SLC35F3: variants seen among roughly 807,000 people sequenced by gnomAD.
SLC35F3 encodes putative thiamine transporter SLC35F3.
SLC35F3 carries 25 observed loss-of-function variants against 49.9 expected under a neutral mutation model. The observed-to-expected ratio is 0.50, with a 90% CI of 0.37 to 0.70. SLC35F3 has a LOEUF of 0.70. Ranked by LOEUF, SLC35F3 falls within the 30% of genes least tolerant of loss-of-function variation. The probability of loss-of-function intolerance (pLI) is 0.00; values close to 1 mark genes in which losing one functional copy is unlikely to be tolerated. For missense variants in SLC35F3, 525 were observed against 639.8 expected, an observed-to-expected ratio of 0.82 and a Z score of 1.94; for synonymous variants, 275 against 265.4, an observed-to-expected ratio of 1.04 and a Z score of -0.35.
chr1:234,178,318 C>A (rs149955304), intron 2 of SLC35F3, among the ~76,000 whole-genome samples: 2 of 152,146 alleles, frequency 1.3e-5, no homozygotes, highest in East Asian at 3.9e-4. Flanking sequence ...TGCTTTCAGT[C>A]AATTGGAATA....
At chr1:233,958,953 T>A (rs961556494) in intron 2 of SLC35F3, among the ~76,000 whole-genome samples, 18 of 152,228 alleles carry the variant, frequency 1.2e-4, no homozygotes, top group African/African-American at 4.3e-4. Flanking sequence ...GTTTATATCA[T>A]GTTTTTCTTT....
chr1:234,219,553 G>A (rs895455494), intron 2 of SLC35F3, among the ~76,000 whole-genome samples: 9 of 152,202 alleles, frequency 5.9e-5, no homozygotes, highest in African/African-American at 1.9e-4. Context: ...TACCAATAAA[G>A]AATGCATGCT....
intron 2 of SLC35F3, among the ~76,000 whole-genome samples, chr1:233,912,966 C>T (rs1661906999): frequency 1.3e-5 from 2 of 152,188 alleles, no homozygotes; most frequent in Non-Finnish European, 2.9e-5. Flanking sequence ...ATCTTTTGAG[C>T]ATTTACTTTG....
chr1:233,991,998 A>C (rs1663362053), intron 2 of SLC35F3, among the ~76,000 whole-genome samples: 1 of 152,218 alleles, frequency 6.6e-6, no homozygotes. Flanking sequence ...CCTCCATTGC[A>C]TTGATAAGAA....
intron 2 of SLC35F3, among the ~76,000 whole-genome samples, chr1:233,993,447 TTTC>T (rs1663399436): frequency 6.6e-6 from 1 of 152,228 alleles, no homozygotes; most frequent in Non-Finnish European, 1.5e-5. Context: ...AACTCACAGC[TTTC>T]TTTATGATAG....
At chr1:234,059,604 C>T (rs1664508170) in intron 2 of SLC35F3, among the ~76,000 whole-genome samples, 4 of 148,446 alleles carry the variant, frequency 2.7e-5, no homozygotes, top group African/African-American at 9.7e-5. Context: ...GAGCTAGAGA[C>T]ATAGACATAG....
intron 2 of SLC35F3, among the ~76,000 whole-genome samples, chr1:233,991,565 T>C (rs1368691576): frequency 9.2e-5 from 14 of 152,200 alleles, no homozygotes; most frequent in Non-Finnish European, 2.1e-4. Context: ...CTCTCTCCTG[T>C]CCAAAAGCGA....
At chr1:233,992,290 G>T (rs2102827784) in intron 2 of SLC35F3, among the ~76,000 whole-genome samples, 1 of 152,316 alleles carries the variant, frequency 6.6e-6, no homozygotes, top group East Asian at 1.9e-4. Context: ...GTCCATTTCT[G>T]TGTTGGTATT....
chr1:234,318,669 G>A, intron 5 of SLC35F3, 82 bp from the exon 6 acceptor site: 1 of 1,263,370 alleles, frequency 7.9e-7, no homozygotes, highest in Non-Finnish European at 1.1e-6. Context: ...ACCCAGCGTT[G>A]TGGAGTGAAC....
chr1:234,031,604 G>T (rs192816117), intron 2 of SLC35F3, among the ~76,000 whole-genome samples: 7 of 152,264 alleles, frequency 4.6e-5, no homozygotes, highest in Non-Finnish European at 1.0e-4. Flanking sequence ...GAGTGCAGTG[G>T]CGTGATCATA....
chr1:234,138,796 C>T (rs1665846375), intron 2 of SLC35F3, among the ~76,000 whole-genome samples: 1 of 152,200 alleles, frequency 6.6e-6, no homozygotes, highest in Non-Finnish European at 1.5e-5. Context: ...AGTGATTCTT[C>T]CTCCTCAGCC....
intron 2 of SLC35F3, among the ~76,000 whole-genome samples, chr1:234,058,454 C>A (rs1317053423): frequency 1.3e-5 from 2 of 149,290 alleles, no homozygotes; most frequent in Admixed American, 6.8e-5. Flanking sequence ...AAGCAGGCCT[C>A]CCACCTTAGC....
At chr1:233,918,992 A>G (rs562828605) in intron 2 of SLC35F3, among the ~76,000 whole-genome samples, 1 of 152,308 alleles carries the variant, frequency 6.6e-6, no homozygotes, top group African/African-American at 2.4e-5. Context: ...ATCAAATGAC[A>G]GATGAATAAA....
chr1:233,957,612 C>A lies in SLC35F3; in HGVS notation c.283+51854C>A, dbSNP rs566093891. Reference sequence around the variant, plus strand: ...GGTGGATCACCTGAAGTCAGGAGTTCGAGACCAGCCTGGCCAACACGGTGA... The same window carrying A: ...GGTGGATCACCTGAAGTCAGGAGTTAGAGACCAGCCTGGCCAACACGGTGA... On this transcript the variant is annotated intron_variant, in intron 2 of 7. Transcript: ENST00000366618. The surrounding 1 kb of genome is among the most constrained non-coding windows in gnomAD (Gnocchi z 4.0). Among the ~76,000 whole-genome samples, 4 of 151,994 alleles carry A rather than the reference C, an allele frequency of 2.6e-5. No individual in the cohort carries two copies. Among genetic ancestry groups the A allele is most frequent in the Non-Finnish European group, 4.4e-5 (3 of 68,016 alleles).
intron 2 of SLC35F3, among the ~76,000 whole-genome samples, chr1:233,917,908 G>A (rs1005203340): frequency 6.6e-6 from 1 of 152,200 alleles, no homozygotes; most frequent in Non-Finnish European, 1.5e-5. Context: ...ACATAATGTC[G>A]ACAACAGTAA....
chr1:233,972,506 C>T (rs553227668), intron 2 of SLC35F3, among the ~76,000 whole-genome samples: 41 of 152,288 alleles, frequency 2.7e-4, no homozygotes, highest in African/African-American at 9.1e-4. Context: ...CCTCTCTGTG[C>T]CTCAGTTTCC....
Position 234,258,914 on chromosome 1 carries a change from T to C in SLC35F3, c.608+27173T>C, listed in dbSNP as rs1175275600. 2.0e-5 allele frequency among the ~76,000 whole-genome samples: 3 copies of C among 152,264 alleles called. No homozygotes were observed. In the East Asian group the frequency reaches 5.8e-4, roughly 29 times the overall value. On this transcript the variant is annotated intron_variant, in intron 3 of 7. Transcript: ENST00000366618. ...ATAAAAGTCATGCTGTGTTCTACAC[T>C]GATGCAAACACTTGGAATAGTATGT...
At position 234,201,765 on chromosome 1, in the gene SLC35F3, T is replaced by C. The variant is rs542503890; in HGVS notation, c.284-29652T>C. ...GCCTGATAGTTTTCTGCTGACGATG[T>C]TTTTGGTTTTGCGTGTGGTTTTTTC... is the stretch of plus-strand genomic sequence containing the variant. On this transcript the variant is annotated intron_variant, in intron 2 of 7. Coordinates refer to ENST00000366618, the MANE Select transcript of SLC35F3 (RefSeq NM_173508.4). Among the ~76,000 whole-genome samples, 3 of 152,204 alleles carry C rather than the reference T, an allele frequency of 2.0e-5. No individual in the cohort carries two copies. The South Asian group carries it at 6.2e-4, about 32-fold the overall frequency.
At chr1:234,302,163 T>C (rs912739062) in intron 3 of SLC35F3, among the ~76,000 whole-genome samples, 1 of 151,614 alleles carries the variant, frequency 6.6e-6, no homozygotes, top group Non-Finnish European at 1.5e-5. Flanking sequence ...GTTGTTGTTG[T>C]TGTTGTTTTT....
Sources: allele counts gnomAD v4.1 joint callset (sites outside exome capture counted in the v4.1 genomes callset), GRCh38; gene constraint gnomAD v4.1.1; non-coding constraint Gnocchi (gnomAD v3.1); transcripts MANE v1.5; gene names NCBI Gene and HGNC (gene_info 2026-07-23, HGNC 2026-07-21).